Variants in CPPED1 observed in about 807,000 individuals in gnomAD.
The protein encoded by CPPED1 is serine/threonine-protein phosphatase CPPED1.
Under a neutral mutation model 28.0 loss-of-function variants are expected in CPPED1, and 28 were observed. The observed-to-expected ratio is 1.00, with a 90% CI of 0.74 to 1.37. The LOEUF (loss-of-function observed/expected upper bound fraction) is 1.37. Ranked by LOEUF, CPPED1 falls within the 40% of genes most tolerant of loss-of-function variation. The pLI, the probability that CPPED1 is intolerant of heterozygous loss-of-function variation, is 0.00. For synonymous variants in CPPED1, 198 were observed against 180.2 expected, an observed-to-expected ratio of 1.10 and a Z score of -0.79; for missense variants, 504 against 416.5, an observed-to-expected ratio of 1.21 and a Z score of -1.83.
chr16:12,715,080 G>A (rs778086136), intron 2 of CPPED1, among the ~76,000 whole-genome samples: 21 of 151,930 alleles, frequency 1.4e-4, no homozygotes, highest in Non-Finnish European at 2.1e-4. Flanking sequence ...TTGTCTTGGC[G>A]CCCTTGTCAA....
At chr16:12,721,783 T>C (rs1596459890) in intron 2 of CPPED1, among the ~76,000 whole-genome samples, 2 of 145,420 alleles carry the variant, frequency 1.4e-5, no homozygotes, top group East Asian at 2.0e-4. Flanking sequence ...AATAAATAAA[T>C]AAATAAATAA....
chr16:12,774,136 G>A (rs1263395677), intron 2 of CPPED1, among the ~76,000 whole-genome samples: 3 of 152,086 alleles, frequency 2.0e-5, no homozygotes, highest in African/African-American at 4.8e-5. Context: ...AAGTGAGTCC[G>A]CCAGGGATGA....
At chr16:12,738,108 GA>G (rs1377138037) in intron 2 of CPPED1, among the ~76,000 whole-genome samples, 1 of 152,156 alleles carries the variant, frequency 6.6e-6, no homozygotes, top group African/African-American at 2.4e-5. Context: ...ATGTATCCGG[GA>G]GATAATCCGA....
intron 3 of CPPED1, among the ~76,000 whole-genome samples, chr16:12,687,688 A>G (rs1345375855): frequency 6.6e-6 from 1 of 152,164 alleles, no homozygotes; most frequent in Non-Finnish European, 1.5e-5. Flanking sequence ...GCAGTAAGCA[A>G]GAAAATGGTT....
At chr16:12,691,337 G>A (rs952711278) in intron 3 of CPPED1, among the ~76,000 whole-genome samples, 4 of 152,180 alleles carry the variant, frequency 2.6e-5, no homozygotes, top group Middle Eastern at 3.4e-3. Flanking sequence ...GGCTAGTGGC[G>A]TAATCTTGGC....
At chr16:12,745,910 T>G (rs2080283766) in intron 2 of CPPED1, 1 of 151,838 alleles carries the variant, frequency 6.6e-6, no homozygotes, top group South Asian at 2.1e-4. Context: ...TCAAATTGCT[T>G]AAAACCAACG....
At chr16:12,697,131 T>A (rs2079995462) in intron 3 of CPPED1, among the ~76,000 whole-genome samples, 1 of 152,154 alleles carries the variant, frequency 6.6e-6, no homozygotes, top group African/African-American at 2.4e-5. Flanking sequence ...TTCAAGCCAA[T>A]GTCCTGCCTT....
In CPPED1 at chr16:12,743,225, G is replaced by A. The variant is rs1219085691; in HGVS notation, c.289+37960C>T. Reference sequence around the variant, plus strand: ...GTCTCAGGACTTCTCTGCTAGTGAAGTCTTTTCTGCACAGAAAGACTATTC... The same window carrying A: ...GTCTCAGGACTTCTCTGCTAGTGAAATCTTTTCTGCACAGAAAGACTATTC... On this transcript the variant is annotated intron_variant, in intron 2 of 3. Coordinates refer to ENST00000381774, the MANE Select transcript of CPPED1 (RefSeq NM_018340.3). Among the ~76,000 whole-genome samples, 6 of 152,194 alleles carry A rather than the reference G, an allele frequency of 3.9e-5. No homozygotes were observed. In the East Asian group the frequency reaches 1.2e-3, roughly 29 times the overall value.
intron 3 of CPPED1, among the ~76,000 whole-genome samples, chr16:12,692,899 T>A (rs2079970810): frequency 2.6e-5 from 4 of 152,124 alleles, no homozygotes; most frequent in Admixed American, 2.6e-4. Flanking sequence ...TGAAAGAACA[T>A]CACAACTGCC....
intron 2 of CPPED1, chr16:12,753,189 G>A (rs925098232): frequency 5.3e-5 from 8 of 152,104 alleles, no homozygotes; most frequent in Non-Finnish European, 1.2e-4. Context: ...GAATGTTTGT[G>A]TCACTCCCAA....
rs113930661 is a variant in CPPED1, at chr16:12,796,037, C to T, written c.70+7670G>A. Among the ~76,000 whole-genome samples the T allele has an allele frequency of 3.5e-3, 531 of 151,314 alleles. 2 individuals are homozygous for T. The highest frequency in any genetic ancestry group is 8.6e-3 in the South Asian group (41 of 4,782). ...AGCAGAGGTTGCAGTGAGCCAAGAT[C>T]ACGCCACTGCACTCTAGCCTGGGCG... On this transcript the variant is annotated intron_variant, in intron 1 of 3. Transcript: ENST00000381774.
At position 12,714,486 on chromosome 16, in the gene CPPED1, G is replaced by C. The variant is rs2080096811; in HGVS notation, c.290-9437C>G. Among the ~76,000 whole-genome samples, 2 of 152,240 alleles carry C rather than the reference G, an allele frequency of 1.3e-5. 1 individual carries two copies. Among genetic ancestry groups the C allele is most frequent in the Admixed American group, 1.3e-4 (2 of 15,294 alleles). On this transcript the variant is annotated intron_variant, in intron 2 of 3. Coordinates refer to ENST00000381774, the MANE Select transcript of CPPED1 (RefSeq NM_018340.3). ...CCTTTTAATTGTAGCCATCTTAGTA[G>C]GTGTGAGGTAAAATTTCATTGTGGT...
chr16:12,716,746 G>C (rs2080108990), intron 2 of CPPED1, among the ~76,000 whole-genome samples: 1 of 152,196 alleles, frequency 6.6e-6, no homozygotes, highest in Non-Finnish European at 1.5e-5. Context: ...TTTGTCTTCA[G>C]GTAGGCATTT....
At chr16:12,720,818 T>A (rs370585390) in intron 2 of CPPED1, among the ~76,000 whole-genome samples, 74 of 152,334 alleles carry the variant, frequency 4.9e-4, no homozygotes, top group East Asian at 2.1e-3. Flanking sequence ...CAAAGCTTAG[T>A]TTACAGCTCA....
chr16:12,775,138 G>A (rs1051775944), intron 2 of CPPED1, among the ~76,000 whole-genome samples: 2 of 151,988 alleles, frequency 1.3e-5, no homozygotes, highest in African/African-American at 4.8e-5. Context: ...TTTAAGAAGA[G>A]CAGAGACCCG....
chr16:12,717,362 C>T (rs1222129264), intron 2 of CPPED1, among the ~76,000 whole-genome samples: 3 of 152,182 alleles, frequency 2.0e-5, no homozygotes, highest in East Asian at 1.9e-4. Flanking sequence ...CTCCCAGGTT[C>T]GCGCCATTCT....
At chr16:12,676,348 G>C (rs1596441692) in intron 3 of CPPED1, among the ~76,000 whole-genome samples, 1 of 152,188 alleles carries the variant, frequency 6.6e-6, no homozygotes, top group Middle Eastern at 3.2e-3. Context: ...GGCAGTCAGA[G>C]AAAGAGCTAC....
At chr16:12,741,301 T>C (rs1325666038) in intron 2 of CPPED1, among the ~76,000 whole-genome samples, 212 of 13,750 alleles carry the variant, frequency 0.015, 1 homozygote, top group Non-Finnish European at 6.9e-3. Flanking sequence ...CTGGCTGCCC[T>C]TTTTTTTTTT....
chr16:12,730,460 G>C (rs1016991437), intron 2 of CPPED1, among the ~76,000 whole-genome samples: 7 of 152,176 alleles, frequency 4.6e-5, no homozygotes, highest in Non-Finnish European at 1.0e-4. Flanking sequence ...AGAGAAATGA[G>C]GGTGTTGGTC....
Sources: gnomAD v4.1 joint callset for allele counts (sites outside exome capture counted in the v4.1 genomes callset) on GRCh38, gnomAD v4.1.1 for gene constraint, MANE v1.5 for transcripts, NCBI Gene and HGNC (gene_info 2026-07-23, HGNC 2026-07-21) for gene names.